The following DLGAP2 variants were observed in gnomAD, a reference collection of about 807,000 sequenced individuals.
DLGAP2 encodes the protein DLG associated protein 2.
A neutral mutation model predicts 100.3 loss-of-function variants in DLGAP2; 26 were observed. The observed-to-expected ratio is 0.26, with a 90% CI of 0.19 to 0.36. The LOEUF (loss-of-function observed/expected upper bound fraction) is 0.36, where lower values mean the gene tolerates loss of function less well. Ranked by LOEUF, DLGAP2 falls within the 10% of genes least tolerant of loss-of-function variation. DLGAP2 has a pLI of 1.00. For synonymous variants in DLGAP2, 886 were observed against 630.1 expected (o/e 1.41, Z -6.08); for missense variants, 1,858 against 1,453.2 (o/e 1.28, Z -4.53).
At chr8:1,271,846 G>T (rs1799589830) in intron 3 of DLGAP2, among the ~76,000 whole-genome samples, 1 of 152,136 alleles carries the variant, frequency 6.6e-6, no homozygotes, top group Non-Finnish European at 1.5e-5. Flanking sequence ...ACAGACTCTT[G>T]TTCTATCACC....
chr8:1,513,496 G>C (rs1285027141), intron 4 of DLGAP2, among the ~76,000 whole-genome samples: 1 of 152,254 alleles, frequency 6.6e-6, no homozygotes, highest in Non-Finnish European at 1.5e-5. Context: ...CCAGCTCAGA[G>C]GGGCCGTCAC....
chr8:1,626,828 C>T lies in DLGAP2; in HGVS notation c.1531C>T (p.Arg511Trp), dbSNP rs906272575. The change falls in exon 7 of 15, where the codon CGG becomes TGG. Residue 511 changes from arginine to tryptophan, a missense_variant. Transcript: ENST00000637795. ...ANYNSPKFRS[R>W]NQSYMRAVST... ...CTACAACTCCCCGAAATTCCGCTCC[C>T]GGAACCAGAGCTACATGAGGGCCGT... 3.7e-6 allele frequency: 6 copies of T among 1,606,870 alleles called. No homozygotes were observed. Among genetic ancestry groups the T allele is most frequent in the African/African-American group, 2.7e-5 (2 of 74,762 alleles).
At chr8:1,479,749 C>G (rs148376279) in intron 3 of DLGAP2, among the ~76,000 whole-genome samples, 285 of 152,280 alleles carry the variant, frequency 1.9e-3, no homozygotes, top group Middle Eastern at 3.4e-3. Context: ...TGTGCCTCAT[C>G]AGAAGCCCCC....
intron 3 of DLGAP2, among the ~76,000 whole-genome samples, chr8:1,495,775 A>G (rs557334527): frequency 6.6e-6 from 1 of 152,288 alleles, no homozygotes; most frequent in East Asian, 1.9e-4. Context: ...CTTCCCCCGT[A>G]TGCTTTCGCT....
At chr8:1,581,428 C>T (rs113724524) in intron 6 of DLGAP2, among the ~76,000 whole-genome samples, 1 of 151,502 alleles carries the variant, frequency 6.6e-6, no homozygotes, top group Admixed American at 6.6e-5. Flanking sequence ...ATATACACAC[C>T]ACAGTCAAAC....
chr8:1,197,325 G>A (rs978962779), intron 2 of DLGAP2, among the ~76,000 whole-genome samples: 4 of 152,088 alleles, frequency 2.6e-5, no homozygotes, highest in South Asian at 4.1e-4. Flanking sequence ...AATTCACCAC[G>A]ACACCCTCCC....
intron 2 of DLGAP2, among the ~76,000 whole-genome samples, chr8:1,011,206 T>C (rs940477358): frequency 6.6e-6 from 1 of 150,542 alleles, no homozygotes; most frequent in African/African-American, 2.5e-5. Context: ...GGTCTCAGTC[T>C]GCACAGTGAG....
chr8:1,571,239 A>C (rs1435612280), intron 6 of DLGAP2, among the ~76,000 whole-genome samples: 1 of 123,246 alleles, frequency 8.1e-6, no homozygotes, highest in African/African-American at 3.2e-5. Context: ...GTCTGATGAG[A>C]TGGAGAAGAG....
chr8:760,307 T>C lies in DLGAP2; in HGVS notation c.18+22482T>C, dbSNP rs35601517. On this transcript the variant is annotated intron_variant, in intron 1 of 14. Transcript: ENST00000637795. The stretch of plus-strand genomic sequence containing the variant: ...GAAGTCTTCACTGTGACCTTCAGAA[T>C]CAACTTCTCTTTAGGCCTGAATGCA... 7.8e-3 allele frequency among the ~76,000 whole-genome samples: 1,189 copies of C among 152,330 alleles called. 4 individuals carry two copies. The highest frequency in any genetic ancestry group is 0.017 in the South Asian group (82 of 4,824).
chr8:1,281,923 A>G (rs1799821583), intron 3 of DLGAP2, among the ~76,000 whole-genome samples: 1 of 152,218 alleles, frequency 6.6e-6, no homozygotes, highest in South Asian at 2.1e-4. Context: ...GGTGTCAGTT[A>G]TTGCCGATGA....
intron 1 of DLGAP2, among the ~76,000 whole-genome samples, chr8:811,331 G>A (rs896737482): frequency 6.6e-6 from 1 of 152,212 alleles, no homozygotes; most frequent in African/African-American, 2.4e-5. Flanking sequence ...CGTGGTGAGA[G>A]GCCACCAGCT....
intron 2 of DLGAP2, among the ~76,000 whole-genome samples, chr8:979,116 G>T (rs1053418738): frequency 2.0e-5 from 3 of 152,084 alleles, no homozygotes; most frequent in Non-Finnish European, 4.4e-5. Flanking sequence ...GGGGGATGGC[G>T]AGTGCAGTTC....
At chr8:783,204 G>A (rs1464140858) in intron 1 of DLGAP2, among the ~76,000 whole-genome samples, 1 of 152,118 alleles carries the variant, frequency 6.6e-6, no homozygotes, top group African/African-American at 2.4e-5. Flanking sequence ...TTTTTGCGCT[G>A]CTTAGGAGGA....
chr8:1,258,094 A>G (rs1325080407), intron 2 of DLGAP2, among the ~76,000 whole-genome samples: 1 of 152,216 alleles, frequency 6.6e-6, no homozygotes, highest in Non-Finnish European at 1.5e-5. Flanking sequence ...CCAAGTTCAT[A>G]GTCACTCAGG....
chr8:1,186,848 TCTCA>T (rs1797515630), intron 2 of DLGAP2, among the ~76,000 whole-genome samples: 1 of 152,174 alleles, frequency 6.6e-6, no homozygotes, highest in African/African-American at 2.4e-5. Context: ...TTCCTGCTCT[TCTCA>T]CTCACCTTCA....
chr8:1,205,264 A>T (rs1797965487), intron 2 of DLGAP2, among the ~76,000 whole-genome samples: 1 of 152,178 alleles, frequency 6.6e-6, no homozygotes, highest in African/African-American at 2.4e-5. Context: ...TTTATAGCTG[A>T]TGTCGAGGAG....
At chr8:1,002,210 C>T (rs1800980266) in intron 2 of DLGAP2, 1 of 152,176 alleles carries the variant, frequency 6.6e-6, no homozygotes, top group Non-Finnish European at 1.5e-5. Flanking sequence ...ACACCCGAGA[C>T]CCTTTTGTCA....
chr8:972,799 A>G (rs1231075115), intron 2 of DLGAP2, among the ~76,000 whole-genome samples: 1 of 152,130 alleles, frequency 6.6e-6, no homozygotes, highest in Non-Finnish European at 1.5e-5. Context: ...TGGGTACTTG[A>G]GATTAGGGAG....
intron 1 of DLGAP2, among the ~76,000 whole-genome samples, chr8:760,303 A>C (rs1821048797): frequency 6.6e-6 from 1 of 152,198 alleles, no homozygotes; most frequent in African/African-American, 2.4e-5. Context: ...TGTGACCTTC[A>C]GAATCAACTT....
Sources: allele counts gnomAD v4.1 joint callset (sites outside exome capture counted in the v4.1 genomes callset), GRCh38; gene constraint gnomAD v4.1.1; transcripts MANE v1.5; gene names NCBI Gene and HGNC (gene_info 2026-07-23, HGNC 2026-07-21).